PIEZO2: variants seen among roughly 807,000 people sequenced by gnomAD.
The protein encoded by PIEZO2 is piezo type mechanosensitive ion channel component 2.
Under a neutral mutation model 337.3 loss-of-function variants are expected in PIEZO2, and 172 were observed. That is an observed-to-expected ratio of 0.51 (90% confidence interval 0.45 to 0.58). PIEZO2 has a LOEUF of 0.58. Among genes scored for constraint, PIEZO2 ranks in the 20% least tolerant of loss-of-function variants. The pLI, the probability that PIEZO2 is intolerant of heterozygous loss-of-function variation, is 0.00. For missense variants in PIEZO2, 3,028 were observed against 3,391.3 expected (o/e 0.89, Z 2.66); for synonymous variants, 1,251 against 1,228.5 (o/e 1.02, Z -0.38).
At chr18:10,790,872 T>A (rs1346414247) in intron 14 of PIEZO2, among the ~76,000 whole-genome samples, 1 of 152,024 alleles carries the variant, frequency 6.6e-6, no homozygotes, top group Non-Finnish European at 1.5e-5. Flanking sequence ...GCCCGGCTAG[T>A]TTTTTGTATT....
At position 10,952,206 on chromosome 18, in the gene PIEZO2, T is replaced by C. The variant is rs144410388; in HGVS notation, c.286+27329A>G. 0.035 allele frequency among the ~76,000 whole-genome samples: 5,332 copies of C among 152,292 alleles called. 140 individuals carry two copies. The highest frequency in any genetic ancestry group is 0.088 in the Middle Eastern group (26 of 294). ...TCCAATGTGTTACCACTGTGGTCGC[T>C]GGCTCTTTTTAAATCATTTTTTTTC... On this transcript the variant is annotated intron_variant, in intron 3 of 55. Transcript: ENST00000674853. The surrounding 1 kb of genome is among the most constrained non-coding windows in gnomAD (Gnocchi z 4.1).
chr18:10,925,413 AT>A (rs2031666109), intron 3 of PIEZO2, among the ~76,000 whole-genome samples: 1 of 152,154 alleles, frequency 6.6e-6, no homozygotes. Flanking sequence ...ATGTTGATTG[AT>A]CCCTCAAATA....
intron 42 of PIEZO2, 89 bp downstream of exon 42, chr18:10,704,305 C>A: frequency 6.8e-7 from 1 of 1,466,974 alleles, no homozygotes; most frequent in Admixed American, 2.1e-5. Context: ...AGGGCAGGCC[C>A]GTCTCAAGAG....
At chr18:10,800,210 T>A in intron 11 of PIEZO2, 127 bp downstream of exon 11, 1 of 1,272,620 alleles carries the variant, frequency 7.9e-7, no homozygotes, top group Admixed American at 3.2e-5. Flanking sequence ...CTTAAAGAAG[T>A]GAGGTTAATG....
intron 40 of PIEZO2, among the ~76,000 whole-genome samples, chr18:10,706,667 A>C (rs185754097): frequency 6.6e-6 from 1 of 152,170 alleles, no homozygotes; most frequent in Admixed American, 6.5e-5. Flanking sequence ...TTGTTCCTTT[A>C]AACTTTCCCT....
At chr18:10,890,180 A>T (rs2042715434) in intron 4 of PIEZO2, among the ~76,000 whole-genome samples, 1 of 152,202 alleles carries the variant, frequency 6.6e-6, no homozygotes, top group Non-Finnish European at 1.5e-5. Flanking sequence ...CAGCCCATAC[A>T]GGGGAAGCCA....
chr18:11,044,945 T>C (rs2037248691), intron 2 of PIEZO2, among the ~76,000 whole-genome samples: 1 of 151,724 alleles, frequency 6.6e-6, no homozygotes, highest in African/African-American at 2.4e-5. Flanking sequence ...GCCCAGGAGT[T>C]CAACACCAGA....
At position 10,833,931 on chromosome 18, in the gene PIEZO2, C is replaced by T. The variant is rs146560516; in HGVS notation, c.917+21422G>A. Among the ~76,000 whole-genome samples the T allele has an allele frequency of 6.6e-6, 1 of 152,228 alleles. No individual in the cohort carries two copies. The highest frequency in any genetic ancestry group is 1.5e-5 in the Non-Finnish European group (1 of 68,038). ...TGTTGCTTTTCTACAGACCTCAAAA[C>T]TTTTCCATGCAGTAGAAGAGCAGAA... is the stretch of plus-strand genomic sequence containing the variant. On this transcript the variant is annotated intron_variant, in intron 7 of 55. Transcript: ENST00000674853. The surrounding 1 kb of genome is among the most constrained non-coding windows in gnomAD (Gnocchi z 4.7).
In PIEZO2 at chr18:10,797,514, C is replaced by G. The variant is rs1172664699; in HGVS notation, c.1387G>C (p.Glu463Gln). The G allele has an allele frequency of 6.5e-7, 1 of 1,536,648 alleles. No homozygotes were observed. The highest frequency in any genetic ancestry group is 1.2e-5 in the South Asian group (1 of 83,948). Residue 463 changes from glutamate (E) to glutamine (Q), a missense_variant, in exon 12 of 56, where the codon GAG becomes CAG. Transcript: ENST00000674853. ...EPSDESSEKR[E>Q]EEEEEKEEFE... ...TCTTCTTTCTCTTCCTCTTCCTCCT[C>G]TCGCTTTTCTAGATGGACGAATACT...
intron 1 of PIEZO2, among the ~76,000 whole-genome samples, chr18:11,071,283 A>T (rs1349019669): frequency 2.0e-5 from 3 of 152,238 alleles, no homozygotes; most frequent in Non-Finnish European, 4.4e-5. Flanking sequence ...CAAGAACACA[A>T]GCTCGGATTC....
chr18:10,922,996 C>A (rs1439250953), intron 3 of PIEZO2, among the ~76,000 whole-genome samples: 2 of 152,128 alleles, frequency 1.3e-5, no homozygotes, highest in East Asian at 3.9e-4. Context: ...GCTCTGAAAG[C>A]TACTTTAAAA....
At chr18:10,696,994 A>C (rs34064661) in intron 45 of PIEZO2, among the ~76,000 whole-genome samples, 8,789 of 152,268 alleles carry the variant, frequency 0.058, 433 homozygotes, top group East Asian at 0.2. Flanking sequence ...GAGGGCGCTC[A>C]GACTTGGAGT....
rs1283091277 is a variant in PIEZO2, at chr18:10,744,026, A to C, written c.4514+116T>G. ...AGAATAAATAAATAGGAAGTTGTGAAAGTCCATACATATATATTTTTCAGG... is the reference window on the plus strand; with the variant it reads ...AGAATAAATAAATAGGAAGTTGTGACAGTCCATACATATATATTTTTCAGG... On this transcript the variant is annotated intron_variant, in intron 31 of 55. Coordinates refer to ENST00000674853, the MANE Select transcript of PIEZO2 (RefSeq NM_001378183.1). 4.3e-5 allele frequency: 28 copies of C among 647,726 alleles called. No homozygotes were observed. In the East Asian group the frequency reaches 8.2e-4, roughly 19 times the overall value. The allele number at this position is 647,726 out of a possible 1,614,324, so 40.1% of individuals were successfully genotyped here.
rs917041313 is a variant in PIEZO2 at position 11,096,267 on chromosome 18, G to A, written c.65-30045C>T. On this transcript the variant is annotated intron_variant, in intron 1 of 55. Transcript: ENST00000674853. This position sits in a 1 kb window ranked among gnomAD's most constrained non-coding sequence, Gnocchi z 4.6. The stretch of plus-strand genomic sequence containing the variant: ...CCAGACCAAGCCTGTCCACCCAATG[G>A]AACCTGCTGGCCCAAGCATTAGGGG... Among the ~76,000 whole-genome samples, 2 of 152,184 alleles carry A rather than the reference G, an allele frequency of 1.3e-5. No homozygotes were observed. Among genetic ancestry groups the A allele is most frequent in the East Asian group, 3.9e-4 (2 of 5,192 alleles).
At chr18:10,927,765 A>T (rs932033276) in intron 3 of PIEZO2, among the ~76,000 whole-genome samples, 3 of 152,178 alleles carry the variant, frequency 2.0e-5, no homozygotes, top group African/African-American at 7.2e-5. Context: ...GTGGTTTTTC[A>T]GTAGTCCAGC....
chr18:10,799,972 CA>C (rs34096733), intron 11 of PIEZO2, among the ~76,000 whole-genome samples: 31,033 of 128,080 alleles, frequency 0.24, 2,967 homozygotes, highest in East Asian at 0.35. Flanking sequence ...GACTCTGTCT[CA>C]AAAAAAAAAA....
rs2040148379 is a variant in PIEZO2, at chr18:11,125,163, C to A, written c.64+23362G>T. ...AAATGGGAGAAAGAACACACACACACACACATGCACACATACAAAATACAC... is the reference window on the plus strand; with the variant it reads ...AAATGGGAGAAAGAACACACACACAAACACATGCACACATACAAAATACAC... On this transcript the variant is annotated intron_variant, in intron 1 of 55. Coordinates refer to ENST00000674853, the MANE Select transcript of PIEZO2 (RefSeq NM_001378183.1). The surrounding 1 kb of genome is among the most constrained non-coding windows in gnomAD (Gnocchi z 4.4). Among the ~76,000 whole-genome samples the A allele has an allele frequency of 1.3e-5, 2 of 152,142 alleles. No homozygotes were observed. Among genetic ancestry groups the A allele is most frequent in the Non-Finnish European group, 2.9e-5 (2 of 68,028 alleles).
chr18:10,999,275 T>G (rs2035450290), intron 2 of PIEZO2, among the ~76,000 whole-genome samples: 1 of 152,164 alleles, frequency 6.6e-6, no homozygotes, highest in Non-Finnish European at 1.5e-5. Flanking sequence ...TTTCAAAGTC[T>G]TCTTCAGCTC....
At chr18:10,961,368 C>T (rs993012213) in intron 3 of PIEZO2, among the ~76,000 whole-genome samples, 3 of 150,200 alleles carry the variant, frequency 2.0e-5, no homozygotes, top group Non-Finnish European at 3.0e-5. Context: ...GCTGTGAGGA[C>T]GCAAAGGCAT....
Sources: allele counts gnomAD v4.1 joint callset (sites outside exome capture counted in the v4.1 genomes callset), GRCh38; gene constraint gnomAD v4.1.1; non-coding constraint Gnocchi (gnomAD v3.1); transcripts MANE v1.5; gene names NCBI Gene and HGNC (gene_info 2026-07-23, HGNC 2026-07-21).